PDE6A: variants seen among roughly 807,000 people sequenced by gnomAD.
PDE6A encodes phosphodiesterase 6A, also known as rod cGMP-specific 3',5'-cyclic phosphodiesterase subunit alpha.
In PDE6A, 84 loss-of-function variants were observed where a neutral mutation model predicts 106.3. The ratio of observed to expected loss-of-function variants is 0.79; its 90% confidence interval spans 0.66 to 0.95. The LOEUF (loss-of-function observed/expected upper bound fraction) is 0.95, where lower values mean the gene tolerates loss of function less well. PDE6A is among the 40% of genes least tolerant of loss of function. The pLI, the probability that PDE6A is intolerant of heterozygous loss-of-function variation, is 0.00. For missense variants in PDE6A, 1,052 were observed against 1,084.9 expected, an observed-to-expected ratio of 0.97 and a Z score of 0.43; for synonymous variants, 394 against 386.6, an observed-to-expected ratio of 1.02 and a Z score of -0.23.
chr5:149,862,868 A>G (rs963085557), intron 21 of PDE6A, among the ~76,000 whole-genome samples: 3 of 152,282 alleles, frequency 2.0e-5, no homozygotes, highest in African/African-American at 7.2e-5. Context: ...AGTCTGTGCT[A>G]TGTTGGTTGC....
intron 13 of PDE6A, among the ~76,000 whole-genome samples, chr5:149,893,961 T>C (rs922966621): frequency 3.3e-5 from 5 of 152,102 alleles, no homozygotes; most frequent in African/African-American, 1.2e-4. Flanking sequence ...TAGATGAATA[T>C]AAGTTAGTGT....
chr5:149,927,752 T>C (rs1489102976), intron 4 of PDE6A, among the ~76,000 whole-genome samples: 1 of 152,086 alleles, frequency 6.6e-6, no homozygotes, highest in Non-Finnish European at 1.5e-5. Context: ...TTTTCTTTTT[T>C]TATGTCTTTG....
chr5:149,914,913 T>C (rs747661367), intron 6 of PDE6A, 30 bp downstream of exon 6: 1 of 1,494,954 alleles, frequency 6.7e-7, no homozygotes, highest in Non-Finnish European at 9.3e-7. Context: ...TAATTTGTTG[T>C]CATTTTGTCT....
chr5:149,901,283 C>A (rs900827686), intron 8 of PDE6A, among the ~76,000 whole-genome samples: 1 of 152,138 alleles, frequency 6.6e-6, no homozygotes, highest in African/African-American at 2.4e-5. Flanking sequence ...AATCCCAGCA[C>A]TTTGGGAGGC....
chr5:149,919,097 G>A (rs529959909), intron 5 of PDE6A, among the ~76,000 whole-genome samples: 1 of 152,212 alleles, frequency 6.6e-6, no homozygotes, highest in South Asian at 2.1e-4. Flanking sequence ...TTGCCTTAGG[G>A]CCACCTGTCC....
At chr5:149,887,141 A>G (rs548402962) in intron 13 of PDE6A, among the ~76,000 whole-genome samples, 1 of 152,360 alleles carries the variant, frequency 6.6e-6, no homozygotes, top group East Asian at 1.9e-4. Context: ...ATACGAACAC[A>G]AATACACAAA....
At position 149,884,779 on chromosome 5, in the gene PDE6A, C is replaced by T. The variant is rs794727139; in HGVS notation, c.1926+1G>A. On this transcript the variant is annotated splice_donor_variant, in intron 15 of 21. Coordinates refer to ENST00000255266, the MANE Select transcript of PDE6A (RefSeq NM_000440.3). LOFTEE classifies it high-confidence loss of function. ...CTGTAGACCCTTGGCCCTCATCCTA[C>T]CTCGTCTCTGAGCAGTGTTTTGCCA... The T allele has an allele frequency of 1.9e-6, 3 of 1,613,824 alleles. No individual in the cohort carries two copies. The highest frequency in any genetic ancestry group is 2.5e-6 in the Non-Finnish European group (3 of 1,179,726).
chr5:149,939,042 G>A (rs899923501), intron 1 of PDE6A, among the ~76,000 whole-genome samples: 5 of 152,094 alleles, frequency 3.3e-5, no homozygotes, highest in African/African-American at 7.2e-5. Flanking sequence ...GTTTGGTGGC[G>A]AAGGTTGCAT....
intron 17 of PDE6A, 78 bp downstream of exon 17, chr5:149,883,351 G>T: frequency 2.1e-6 from 2 of 932,518 alleles, no homozygotes; most frequent in Non-Finnish European, 3.5e-6. Flanking sequence ...CTTGTTGAGG[G>T]CAGCAAGAGC....
chr5:149,929,369 G>A (rs1371962713), intron 4 of PDE6A, among the ~76,000 whole-genome samples: 1 of 152,180 alleles, frequency 6.6e-6, no homozygotes, highest in African/African-American at 2.4e-5. Context: ...CACTTTGGGA[G>A]GCCGAGGCAG....
intron 7 of PDE6A, among the ~76,000 whole-genome samples, chr5:149,907,046 A>AT (rs1753218387): frequency 6.6e-6 from 1 of 152,230 alleles, no homozygotes; most frequent in African/African-American, 2.4e-5. Context: ...TTCTGGGATT[A>AT]TAGGCGTGAG....
intron 5 of PDE6A, among the ~76,000 whole-genome samples, chr5:149,915,813 T>C (rs954938384): frequency 3.9e-5 from 6 of 152,224 alleles, no homozygotes; most frequent in Admixed American, 6.5e-5. Flanking sequence ...TTACGCTACC[T>C]GCTGTGACTT....
chr5:149,905,779 A>T (rs1353109331), intron 7 of PDE6A, among the ~76,000 whole-genome samples: 2 of 152,214 alleles, frequency 1.3e-5, no homozygotes, highest in Non-Finnish European at 2.9e-5. Context: ...TACTTGAATG[A>T]TGCTCTGGTT....
chr5:149,866,240 C>T lies in PDE6A; in HGVS notation c.2288G>A (p.Arg763Lys). The T allele has an allele frequency of 6.2e-7, 1 of 1,613,906 alleles. No homozygotes were observed. The highest frequency in any genetic ancestry group is 2.2e-5 in the East Asian group (1 of 44,888). ...LQQNPIPMMD[R>K]NKADELPKLQ... is the part of the protein sequence containing the mutation. ...CTTAGGGAGTTCATCTGCTTTGTTT[C>T]TGTCCATCATGGGCTGTCATGGGGG... Residue 763 changes from arginine (R) to lysine (K), a missense_variant, in exon 20 of 22, where the codon AGA becomes AAA. Physicochemically the swap from Arg to Lys is conservative, Grantham distance 26. Transcript: ENST00000255266.
chr5:149,902,971 T>C (rs1753037198), intron 8 of PDE6A, among the ~76,000 whole-genome samples: 1 of 151,308 alleles, frequency 6.6e-6, no homozygotes. Context: ...CAGGAGATGA[T>C]AGGGAACAGC....
chr5:149,895,962 C>CACA lies in PDE6A; in HGVS notation c.1620+393_1620+394insTGT, dbSNP rs1239170883. On this transcript the variant is annotated intron_variant, in intron 12 of 21. Coordinates refer to ENST00000255266, the MANE Select transcript of PDE6A (RefSeq NM_000440.3). ...CTGCCTCCCACACATACCTTCTCTGCCGTCCCCCATGACCCTAGACTCACA... is the reference window on the plus strand; with the variant it reads ...CTGCCTCCCACACATACCTTCTCTGCACACGTCCCCCATGACCCTAGACTCACA... Among the ~76,000 whole-genome samples, 31 of 152,306 alleles carry CACA rather than the reference C, an allele frequency of 2.0e-4. 1 individual carries two copies. In the East Asian group the frequency reaches 6.0e-3, roughly 29 times the overall value.
At chr5:149,927,417 C>T (rs1753894352) in intron 4 of PDE6A, among the ~76,000 whole-genome samples, 2 of 152,060 alleles carry the variant, frequency 1.3e-5, no homozygotes, top group Non-Finnish European at 2.9e-5. Context: ...AGTAAATTAA[C>T]CTTAGCTTAC....
At position 149,944,350 on chromosome 5, in the gene PDE6A, C is replaced by A. The variant is rs1399400694; in HGVS notation, c.324G>T (p.Leu108=). 1 of 1,614,118 alleles carries A rather than the reference C, an allele frequency of 6.2e-7. No individual in the cohort carries two copies. ...MYRTRNGIAE[L]ATRLFNVHKD... ...TGTGGACATTGAAAAGCCTGGTGGCCAGCTCTGCGATGCCATTGCGGGTCC... is the reference window on the plus strand; with the variant it reads ...TGTGGACATTGAAAAGCCTGGTGGCAAGCTCTGCGATGCCATTGCGGGTCC... The change falls in exon 1 of 22, where the codon CTG becomes CTT. Residue 108 remains leucine, a synonymous_variant. Coordinates refer to ENST00000255266, the MANE Select transcript of PDE6A (RefSeq NM_000440.3).
intron 20 of PDE6A, among the ~76,000 whole-genome samples, chr5:149,865,519 C>T (rs544686847): frequency 6.6e-6 from 1 of 152,164 alleles, no homozygotes; most frequent in Non-Finnish European, 1.5e-5. Context: ...CAGAGCACCC[C>T]AGTTAGTCTG....
Sources: gnomAD v4.1 joint callset for allele counts (sites outside exome capture counted in the v4.1 genomes callset) on GRCh38, gnomAD v4.1.1 for gene constraint, MANE v1.5 for transcripts, NCBI Gene and HGNC (gene_info 2026-07-23, HGNC 2026-07-21) for gene names.